Variants in KLRF1 observed in about 807,000 individuals in gnomAD.
KLRF1 encodes killer cell lectin-like receptor subfamily F member 1.
A neutral mutation model predicts 30.7 loss-of-function variants in KLRF1; 27 were observed. That is an observed-to-expected ratio of 0.88 (90% CI 0.65 to 1.21). KLRF1 has a LOEUF of 1.21. KLRF1 is among the 50% of genes most tolerant of loss of function. The probability of loss-of-function intolerance (pLI) is 0.00; values close to 1 mark genes in which losing one functional copy is unlikely to be tolerated. For synonymous variants in KLRF1, 92 were observed against 89.3 expected, an observed-to-expected ratio of 1.03 and a Z score of -0.17; for missense variants, 246 against 259.3, an observed-to-expected ratio of 0.95 and a Z score of 0.35.
chr12:9,842,826 A>AC (rs1230340257), intron 5 of KLRF1, among the ~76,000 whole-genome samples: 1 of 152,146 alleles, frequency 6.6e-6, no homozygotes, highest in Non-Finnish European at 1.5e-5. Flanking sequence ...ATTATCCAAA[A>AC]GTCTCTGAAC....
At chr12:9,843,980 C>T (rs1038592906) in intron 5 of KLRF1, among the ~76,000 whole-genome samples, 27 of 152,034 alleles carry the variant, frequency 1.8e-4, no homozygotes, top group Admixed American at 1.6e-3. Context: ...TTAGGTCATG[C>T]ACAGTTCGTT....
the KLRF1 span, among the ~76,000 whole-genome samples, chr12:9,807,361 A>G: frequency 2.0e-5 from 3 of 152,064 alleles, no homozygotes; most frequent in African/African-American, 7.2e-5. Context: ...CTTACTTACT[A>G]TTCTGAGTTT....
At position 9,842,400 on chromosome 12, in the gene KLRF1, C is replaced by T; in HGVS notation, c.554C>T (p.Thr185Ile). The T allele has an allele frequency of 6.2e-7, 1 of 1,612,338 alleles. No homozygotes were observed. Among genetic ancestry groups the T allele is most frequent in the Non-Finnish European group, 8.5e-7 (1 of 1,178,902 alleles). The change falls in exon 5 of 6, where the codon ACT becomes ATT. Residue 185 changes from threonine to isoleucine, a missense_variant. By Grantham distance (89) the Thr-to-Ile change is moderately conservative. Coordinates refer to ENST00000617889, the MANE Select transcript of KLRF1 (RefSeq NM_016523.3). ...TTTACCTCCTTGAAAATGACATGGA[C>T]TTGGGTGGATGGTTCTCCAATAGAT... Reference protein sequence around the residue: ...LNFTSLKMTWTWVDGSPIDSK... With the variant: ...LNFTSLKMTWIWVDGSPIDSK...
intron 3 of KLRF1, among the ~76,000 whole-genome samples, chr12:9,835,149 G>A (rs773693313): frequency 5.9e-5 from 9 of 151,980 alleles, no homozygotes; most frequent in Non-Finnish European, 1.2e-4. Flanking sequence ...GGAGCTCTTC[G>A]GTCCTATTTG....
chr12:9,833,900 A>ACTTTTTTTTTTTTTTTTTTTTTT (rs1867506918), intron 3 of KLRF1, among the ~76,000 whole-genome samples: 1 of 120,748 alleles, frequency 8.3e-6, no homozygotes, highest in Non-Finnish European at 1.7e-5. Context: ...TAAATGTTTA[A>ACTTTTTTTTTTTTTTTTTTTTTT]CTTTTTTTTT....
chr12:9,800,884 G>T, the KLRF1 span, among the ~76,000 whole-genome samples: 1 of 151,884 alleles, frequency 6.6e-6, no homozygotes, highest in Non-Finnish European at 1.5e-5. Flanking sequence ...AGAACATGTA[G>T]GTTTGTTACA....
Position 9,844,459 on chromosome 12 carries a change from C to A in KLRF1, c.629C>A (p.Ala210Asp). 6.2e-7 allele frequency: 1 copy of A among 1,609,884 alleles called. No homozygotes were observed. The highest frequency in any genetic ancestry group is 1.1e-5 in the South Asian group (1 of 90,910). Residue 210 changes from alanine to aspartate, a missense_variant, in exon 6 of 6, where the codon GCC becomes GAC. Coordinates refer to ENST00000617889, the MANE Select transcript of KLRF1 (RefSeq NM_016523.3). Reference sequence around the variant, plus strand: ...CCAGCTAAAGAAAACAGCTGTGCTGCCATTAAGGAAAGCAAAATTTTCTCT... The same window carrying A: ...CCAGCTAAAGAAAACAGCTGTGCTGACATTAAGGAAAGCAAAATTTTCTCT... ...KGPAKENSCAAIKESKIFSET... is the reference protein window; with the variant it reads ...KGPAKENSCADIKESKIFSET...
chr12:9,809,068 G>A, the KLRF1 span, among the ~76,000 whole-genome samples: 1 of 152,106 alleles, frequency 6.6e-6, no homozygotes, highest in Non-Finnish European at 1.5e-5. Context: ...CTGAGTAATA[G>A]AATCATAAAC....
chr12:9,841,932 T>C lies in KLRF1; in HGVS notation c.455T>C (p.Ile152Thr), dbSNP rs1285900422. The change falls in exon 4 of 6, where the codon ATA (isoleucine) becomes ACA (threonine). Residue 152 changes from isoleucine (I) to threonine (T), a missense_variant. Ile to Thr is a moderately conservative substitution (Grantham distance 89, BLOSUM62 -1). Transcript: ENST00000617889. ...CLERKSHLLI[I>T]HDQLEMAFIQ... is the part of the protein sequence containing the mutation. Reference sequence around the variant, plus strand: ...GAAAGAAAATCTCATCTACTAATCATACATGACCAACTTGAAATGGTAATT... The same window carrying C: ...GAAAGAAAATCTCATCTACTAATCACACATGACCAACTTGAAATGGTAATT... The C allele has an allele frequency of 4.3e-6, 7 of 1,611,842 alleles. No individual in the cohort carries two copies. Among genetic ancestry groups the C allele is most frequent in the Non-Finnish European group, 5.9e-6 (7 of 1,178,784 alleles).
intron 1 of KLRF1, among the ~76,000 whole-genome samples, chr12:9,831,069 A>G (rs1867412528): frequency 6.6e-6 from 1 of 151,866 alleles, no homozygotes; most frequent in Non-Finnish European, 1.5e-5. Context: ...TGCTTAGGAG[A>G]AATAATTCAG....
At chr12:9,832,508 C>A (rs1867455467) in intron 2 of KLRF1, 94 bp downstream of exon 2, 1 of 726,596 alleles carries the variant, frequency 1.4e-6, no homozygotes. Context: ...TTCTTCACTA[C>A]ATTAACCAAG....
the KLRF1 span, among the ~76,000 whole-genome samples, chr12:9,808,386 T>C: frequency 6.6e-6 from 1 of 152,202 alleles, no homozygotes; most frequent in East Asian, 1.9e-4. Flanking sequence ...TTTTGATTTT[T>C]TTTTCAGAAT....
chr12:9,817,858 C>T, the KLRF1 span: 1 of 190,014 alleles, frequency 5.3e-6, no homozygotes, highest in East Asian at 1.7e-4. Context: ...TGGTGGTTCA[C>T]TAAGATTCTC....
chr12:9,825,174 G>T (rs1340892294), upstream of KLRF1, among the ~76,000 whole-genome samples: 1 of 149,624 alleles, frequency 6.7e-6, no homozygotes, highest in Non-Finnish European at 1.5e-5. Flanking sequence ...GCAATCCTAA[G>T]CAAAAAGAAC....
chr12:9,816,668 A>G, the KLRF1 span, among the ~76,000 whole-genome samples: 1 of 151,356 alleles, frequency 6.6e-6, no homozygotes, highest in African/African-American at 2.4e-5. Flanking sequence ...GTCTAGGTAG[A>G]TGTCACAGTA....
At chr12:9,805,303 T>C in the KLRF1 span, among the ~76,000 whole-genome samples, 1 of 151,896 alleles carries the variant, frequency 6.6e-6, no homozygotes, top group African/African-American at 2.4e-5. Context: ...GCTTCCAAGA[T>C]GACACATTGA....
intron 3 of KLRF1, among the ~76,000 whole-genome samples, chr12:9,838,546 C>T (rs559708362): frequency 6.4e-4 from 98 of 152,090 alleles, no homozygotes; most frequent in Non-Finnish European, 1.1e-3. Context: ...GCGGGCACCA[C>T]GTAGTGGAAA....
rs767913171 is a variant in KLRF1 at position 9,841,864 on chromosome 12, T to C, written c.387T>C (p.Ser129=). 2.3e-5 allele frequency: 37 copies of C among 1,609,320 alleles called. 1 individual carries two copies. The highest frequency in any genetic ancestry group is 3.1e-5 in the Non-Finnish European group (36 of 1,176,258). Residue 129 remains serine, a synonymous_variant, in exon 4 of 6, where the codon TCT becomes TCC. Coordinates refer to ENST00000617889, the MANE Select transcript of KLRF1 (RefSeq NM_016523.3). ...LKYQGKCYWF[S]NEMKSWSDSY... is the part of the protein sequence containing the mutation. ...ACCAAGGGAAGTGTTATTGGTTCTC[T>C]AATGAGATGAAAAGCTGGAGTGACA...
upstream of KLRF1, among the ~76,000 whole-genome samples, chr12:9,826,387 C>G (rs1867283280): frequency 6.6e-6 from 1 of 152,126 alleles, no homozygotes; most frequent in Non-Finnish European, 1.5e-5. Flanking sequence ...ATAACAGATG[C>G]TGATGAGGTA....
Sources: allele counts gnomAD v4.1 joint callset (sites outside exome capture counted in the v4.1 genomes callset), GRCh38; gene constraint gnomAD v4.1.1; transcripts MANE v1.5; gene names NCBI Gene and HGNC (gene_info 2026-07-23, HGNC 2026-07-21).